The following TP53BP1 variants were observed in gnomAD, a reference collection of about 807,000 sequenced individuals.
TP53BP1 encodes the protein TP53-binding protein 1.
In TP53BP1, 61 loss-of-function variants were observed where a neutral mutation model predicts 200.8. The observed-to-expected ratio is 0.30, with a 90% CI of 0.25 to 0.38. The LOEUF is 0.38. TP53BP1 is among the 10% of genes least tolerant of loss of function. The pLI is 1.00. For synonymous variants in TP53BP1, 822 were observed against 844.3 expected (o/e 0.97, Z 0.46); for missense variants, 2,144 against 2,371.9 (o/e 0.90, Z 2.00).
chr15:43,407,487 G>A lies in TP53BP1; in HGVS notation c.5830C>T (p.Leu1944=), dbSNP rs1201758182. ...SVLKCAEALQ[L]PVVSQEWVIQ... ...ACCCACTCTTGTGACACCACAGGCAGCTGCAATGCTTCAGCACACTTCAGC... is the reference window on the plus strand; with the variant it reads ...ACCCACTCTTGTGACACCACAGGCAACTGCAATGCTTCAGCACACTTCAGC... Residue 1944 remains leucine (L), a synonymous_variant, in exon 28 of 28, where the codon CTG becomes TTG. Coordinates refer to ENST00000382044, the MANE Select transcript of TP53BP1 (RefSeq NM_001141980.3). 6.2e-7 allele frequency: 1 copy of A among 1,614,200 alleles called. No individual in the cohort carries two copies. The highest frequency in any genetic ancestry group is 1.7e-5 in the Admixed American group (1 of 60,030).
At chr15:43,482,070 T>C (rs1275509980) in intron 4 of TP53BP1, among the ~76,000 whole-genome samples, 2 of 143,858 alleles carry the variant, frequency 1.4e-5, no homozygotes, top group Non-Finnish European at 3.1e-5. Flanking sequence ...TACTAAAAAA[T>C]ACAAAAAAAT....
At chr15:43,415,284 T>C (rs528999016) in intron 23 of TP53BP1, 56 of 365,972 alleles carry the variant, frequency 1.5e-4, no homozygotes, top group South Asian at 1.2e-3. Context: ...TTCGGCTCAC[T>C]GCAACCTCCG....
intron 5 of TP53BP1, among the ~76,000 whole-genome samples, chr15:43,480,401 T>C (rs539585205): frequency 7.2e-5 from 11 of 152,060 alleles, no homozygotes; most frequent in African/African-American, 2.4e-4. Flanking sequence ...TGAGCCAAGA[T>C]TGCGCCACTG....
In TP53BP1 at chr15:43,432,346, C is replaced by A; in HGVS notation, c.3523G>T (p.Ala1175Ser). 1 of 1,614,202 alleles carries A rather than the reference C, an allele frequency of 6.2e-7. No homozygotes were observed. Among genetic ancestry groups the A allele is most frequent in the Non-Finnish European group, 8.5e-7 (1 of 1,180,032 alleles). ...CACACATTCTTTATAGTCTGGGTTG[C>A]TGCTGAAACAGTTTCTGGGACCCTC... The part of the protein sequence containing the change: ...SLRVPETVSA[A>S]TQTIKNVCEQ... The change falls in exon 17 of 28, where the codon GCA becomes TCA. Residue 1175 changes from alanine (A) to serine (S), a missense_variant. Ala to Ser is a moderately conservative substitution (Grantham distance 99). Around this residue, in one of 4 missense-constraint regions of TP53BP1, gnomAD observed 1,700 missense variants for 1,710.3 expected, o/e 0.99. Transcript: ENST00000382044.
At chr15:43,490,112 CAG>C (rs1427158343) in intron 4 of TP53BP1, among the ~76,000 whole-genome samples, 2 of 151,924 alleles carry the variant, frequency 1.3e-5, no homozygotes, top group East Asian at 3.9e-4. Context: ...TATTTTGAGA[CAG>C]AGTCTCGCTC....
At chr15:43,448,543 T>A (rs866786218) in intron 12 of TP53BP1, among the ~76,000 whole-genome samples, 1,692 of 144,876 alleles carry the variant, frequency 0.012, 32 homozygotes, top group African/African-American at 0.037. Context: ...AACAAAAAAA[T>A]TTTTTTTTTT....
intron 12 of TP53BP1, among the ~76,000 whole-genome samples, chr15:43,455,046 A>G (rs948737206): frequency 1.3e-5 from 2 of 152,242 alleles, no homozygotes; most frequent in African/African-American, 4.8e-5. Flanking sequence ...AATACTTTAG[A>G]AAGTAATCTA....
intron 11 of TP53BP1, among the ~76,000 whole-genome samples, chr15:43,459,387 G>A (rs974412351): frequency 5.9e-5 from 9 of 151,984 alleles, no homozygotes; most frequent in South Asian, 2.1e-4. Flanking sequence ...TAAATTCATG[G>A]GAAATTATTC....
chr15:43,488,267 C>T (rs528769592), intron 4 of TP53BP1, among the ~76,000 whole-genome samples: 123 of 151,250 alleles, frequency 8.1e-4, no homozygotes, highest in African/African-American at 3.0e-3. Context: ...CACTGCACTC[C>T]AGCCTGAGCA....
chr15:43,422,813 G>A (rs2045435937), intron 18 of TP53BP1, among the ~76,000 whole-genome samples: 1 of 152,020 alleles, frequency 6.6e-6, no homozygotes, highest in Non-Finnish European at 1.5e-5. Context: ...AGGCAACATA[G>A]TGAGAACAGG....
At chr15:43,507,257 C>A (rs886174982) in intron 1 of TP53BP1, among the ~76,000 whole-genome samples, 2 of 152,158 alleles carry the variant, frequency 1.3e-5, no homozygotes, top group African/African-American at 4.8e-5. Context: ...GCCTCAGCCT[C>A]CCGAGTAGCT....
At chr15:43,414,377 C>T (rs2045209698) in intron 23 of TP53BP1, among the ~76,000 whole-genome samples, 1 of 152,134 alleles carries the variant, frequency 6.6e-6, no homozygotes, top group Admixed American at 6.5e-5. Flanking sequence ...ATTCAATGAA[C>T]TATTGTTTTT....
intron 18 of TP53BP1, among the ~76,000 whole-genome samples, chr15:43,423,780 C>T (rs2045462332): frequency 6.6e-6 from 1 of 152,002 alleles, no homozygotes; most frequent in South Asian, 2.1e-4. Flanking sequence ...AAAATCTCTC[C>T]TCCTTTAAAA....
intron 12 of TP53BP1, 90 bp from the exon 13 acceptor site, chr15:43,447,575 G>T: frequency 8.4e-7 from 1 of 1,184,724 alleles, no homozygotes; most frequent in Non-Finnish European, 1.1e-6. Flanking sequence ...AATAAGAACT[G>T]CAAGAAATAT....
rs1026410984 is a variant in TP53BP1, at chr15:43,403,281, A to C, written c.*4102T>G. On this transcript the variant is annotated 3_prime_UTR_variant, in exon 28 of 28. Transcript: ENST00000382044. The stretch of plus-strand genomic sequence containing the variant: ...ATAAAGAAGCAAGAAACGAGGGTTC[A>C]CTAAAGGCTATAGTGGGGAAGGGAG... 6.2e-6 allele frequency: 1 copy of C among 160,998 alleles called. No individual in the cohort carries two copies. The highest frequency in any genetic ancestry group is 1.4e-5 in the Non-Finnish European group (1 of 73,840). 10.0% of individuals were successfully genotyped at this position (160,998 alleles called of 1,614,324 possible).
intron 10 of TP53BP1, among the ~76,000 whole-genome samples, chr15:43,471,736 T>C (rs188710209): frequency 7.9e-5 from 12 of 152,236 alleles, no homozygotes; most frequent in African/African-American, 2.6e-4. Context: ...CCTGAGAAAG[T>C]ATATTTAATA....
rs1292267174 is a variant in TP53BP1 at position 43,405,418 on chromosome 15, G to C, written c.*1965C>G. 2 of 609,240 alleles carry C rather than the reference G, an allele frequency of 3.3e-6. No homozygotes were observed. The highest frequency in any genetic ancestry group is 3.0e-5 in the Admixed American group (1 of 33,548). The allele number at this position is 609,240 out of a possible 1,614,324, so 37.7% of individuals were successfully genotyped here. On this transcript the variant is annotated 3_prime_UTR_variant, in exon 28 of 28. Coordinates refer to ENST00000382044, the MANE Select transcript of TP53BP1 (RefSeq NM_001141980.3). ...CATGTGGAAGGGTCTCTCCCATCAA[G>C]GAGAACATGTGGCATCTCTGATCCT...
chr15:43,465,031 C>T (rs2046537138), intron 11 of TP53BP1, among the ~76,000 whole-genome samples: 1 of 151,886 alleles, frequency 6.6e-6, no homozygotes, highest in Non-Finnish European at 1.5e-5. Flanking sequence ...CATGCTACAA[C>T]ACAGGTGAAT....
chr15:43,445,975 T>G (rs1055352477), intron 14 of TP53BP1, among the ~76,000 whole-genome samples: 1 of 152,214 alleles, frequency 6.6e-6, no homozygotes, highest in Non-Finnish European at 1.5e-5. Context: ...CTCAGCATGA[T>G]GTAAAAAGCC....
Sources: allele counts gnomAD v4.1 joint callset (sites outside exome capture counted in the v4.1 genomes callset), GRCh38; gene constraint gnomAD v4.1.1; regional missense constraint gnomAD v4.1.1; transcripts MANE v1.5; gene names NCBI Gene and HGNC (gene_info 2026-07-23, HGNC 2026-07-21).